SEC14L1: variants seen among roughly 807,000 people sequenced by gnomAD.
SEC14L1 encodes the protein SEC14 like lipid binding 1, also known as SEC14-like protein 1.
SEC14L1 carries 48 observed loss-of-function variants against 85.3 expected under a neutral mutation model. The ratio of observed to expected loss-of-function variants is 0.56; its 90% CI spans 0.45 to 0.72. The LOEUF is 0.72. Among genes scored for constraint, SEC14L1 ranks in the 30% least tolerant of loss-of-function variants. The pLI is 0.00. For synonymous variants in SEC14L1, 391 were observed against 355.5 expected, an observed-to-expected ratio of 1.10 and a Z score of -1.12; for missense variants, 682 against 921.4, an observed-to-expected ratio of 0.74 and a Z score of 3.36.
chr17:77,155,637 C>A (rs763201482), intron 3 of SEC14L1, among the ~76,000 whole-genome samples: 23 of 152,232 alleles, frequency 1.5e-4, no homozygotes, highest in Non-Finnish European at 3.1e-4. Flanking sequence ...TTCTGCTCGT[C>A]CTTGGGGCTG....
intron 3 of SEC14L1, among the ~76,000 whole-genome samples, chr17:77,163,391 T>TTTTTCTCGGCACCATCCCTCCCTCA (rs6146155): frequency 6.6e-6 from 1 of 152,030 alleles, no homozygotes; most frequent in Non-Finnish European, 1.5e-5. Context: ...CTAAGACTGG[T>TTTTTCTCGGCACCATCCCTCCCTCA]TCAGTCAGAG....
intron 3 of SEC14L1, among the ~76,000 whole-genome samples, chr17:77,132,610 C>T (rs2077422044): frequency 6.6e-6 from 1 of 152,178 alleles, no homozygotes. Context: ...AATGCCAGGG[C>T]GTATAAGGCC....
intron 3 of SEC14L1, among the ~76,000 whole-genome samples, chr17:77,125,394 A>G (rs909242979): frequency 1.3e-5 from 2 of 152,098 alleles, no homozygotes; most frequent in Non-Finnish European, 2.9e-5. Context: ...TCAGCATTCT[A>G]AAATTTTAGC....
At chr17:77,171,461 C>A (rs1424444804) in intron 3 of SEC14L1, among the ~76,000 whole-genome samples, 1 of 152,176 alleles carries the variant, frequency 6.6e-6, no homozygotes, top group East Asian at 1.9e-4. Context: ...ATTTGGTCAG[C>A]AAGATTATTC....
intron 3 of SEC14L1, among the ~76,000 whole-genome samples, chr17:77,124,284 C>T (rs1349042243): frequency 1.3e-5 from 2 of 152,148 alleles, no homozygotes; most frequent in Non-Finnish European, 2.9e-5. Context: ...GGATCATTTG[C>T]GCCCAGGAGG....
At chr17:77,155,491 T>G (rs2143596019) in intron 3 of SEC14L1, among the ~76,000 whole-genome samples, 1 of 152,252 alleles carries the variant, frequency 6.6e-6, no homozygotes, top group East Asian at 1.9e-4. Context: ...CCCTCAGTCT[T>G]GCTGGTGCCC....
In SEC14L1 at chr17:77,215,521, G is replaced by C. The variant is rs967697375; in HGVS notation, c.*1498G>C. 2.0e-5 allele frequency: 20 copies of C among 986,256 alleles called. No homozygotes were observed. In the African/African-American group the frequency reaches 3.1e-4, roughly 16 times the overall value. 61.1% of individuals were successfully genotyped at this position (986,256 alleles called of 1,614,324 possible). A position where few individuals can be genotyped will look rare whatever the true frequency, so the allele number is the denominator to read the frequency against. ...GCTGTGTGGAGGCCATGTGTGCCCC[G>C]TGCAGGGATCAGGAGGGCGGGGGAG... On this transcript the variant is annotated 3_prime_UTR_variant, in exon 17 of 17. Coordinates refer to ENST00000436233, the MANE Select transcript of SEC14L1 (RefSeq NM_001143998.2).
chr17:77,117,247 T>G (rs1370542420), intron 3 of SEC14L1, among the ~76,000 whole-genome samples: 3 of 151,992 alleles, frequency 2.0e-5, no homozygotes, highest in Non-Finnish European at 4.4e-5. Flanking sequence ...CTTGGGAGGC[T>G]GAGGAGGGAG....
At chr17:77,110,460 T>C (rs932032548) in intron 3 of SEC14L1, among the ~76,000 whole-genome samples, 1 of 152,140 alleles carries the variant, frequency 6.6e-6, no homozygotes, top group Non-Finnish European at 1.5e-5. Context: ...GAGCCAAATA[T>C]GAGTGACCAT....
At chr17:77,205,857 C>T (rs753527777) in intron 11 of SEC14L1, among the ~76,000 whole-genome samples, 1 of 152,132 alleles carries the variant, frequency 6.6e-6, no homozygotes, top group Non-Finnish European at 1.5e-5. Flanking sequence ...CACTGCAGTT[C>T]AGATGCAATA....
At chr17:77,137,337 C>T (rs1972828642), upstream of SEC14L1, among the ~76,000 whole-genome samples, 1 of 152,162 alleles carries the variant, frequency 6.6e-6, no homozygotes, top group Non-Finnish European at 1.5e-5. Context: ...AGCTTTTAGT[C>T]TTGGTGGAAG....
At chr17:77,205,583 C>T (rs1038791588) in intron 11 of SEC14L1, among the ~76,000 whole-genome samples, 1 of 152,126 alleles carries the variant, frequency 6.6e-6, no homozygotes, top group Non-Finnish European at 1.5e-5. Flanking sequence ...CTGTGCGGGC[C>T]GCAGGAGCCC....
At chr17:77,191,111 A>T in intron 4 of SEC14L1, 70 bp from the exon 5 acceptor site, 1 of 1,555,140 alleles carries the variant, frequency 6.4e-7, no homozygotes, top group Non-Finnish European at 8.8e-7. Context: ...GACAACATGA[A>T]CTTATACTAT....
intron 2 of SEC14L1, chr17:77,089,434 G>T (rs1971452110): frequency 1.9e-6 from 1 of 518,992 alleles, no homozygotes; most frequent in Non-Finnish European, 3.8e-6. Context: ...TGAATTTGCA[G>T]TAACAGGTGT....
At position 77,199,077 on chromosome 17, in the gene SEC14L1, C is replaced by T. The variant is rs184220410; in HGVS notation, c.820-1407C>T. The T allele has an allele frequency of 2.5e-3, 371 of 148,070 alleles. 1 individual carries two copies. Among genetic ancestry groups the T allele is most frequent in the Non-Finnish European group, 4.3e-3 (291 of 67,620 alleles). 9.2% of individuals were successfully genotyped at this position (148,070 alleles called of 1,614,324 possible). ...CTGAAGTGCAGTGGCGCGATCTTGG[C>T]TCACTGCACCCTCTGCCTCCAGGTT... On this transcript the variant is annotated intron_variant, in intron 8 of 16. Transcript: ENST00000436233.
At chr17:77,168,978 G>A (rs1974408096) in intron 3 of SEC14L1, among the ~76,000 whole-genome samples, 1 of 140,826 alleles carries the variant, frequency 7.1e-6, no homozygotes, top group African/African-American at 2.6e-5. Context: ...CTACATAAAT[G>A]TGAGGGTCAA....
chr17:77,185,383 G>A (rs1468413901), intron 3 of SEC14L1: 1 of 985,330 alleles, frequency 1.0e-6, no homozygotes, highest in African/African-American at 1.7e-5. Flanking sequence ...GGCATGCCAA[G>A]GTAAAGTGAA....
intron 2 of SEC14L1, among the ~76,000 whole-genome samples, chr17:77,090,867 G>A (rs9913954): frequency 0.13 from 20,250 of 151,468 alleles, 1,786 homozygotes; most frequent in Non-Finnish European, 0.19. Context: ...CCATGCCAGT[G>A]ATCCCAGCTA....
intron 3 of SEC14L1, among the ~76,000 whole-genome samples, chr17:77,119,830 TATGAGAAGA>T (rs889373180): frequency 6.6e-6 from 1 of 152,100 alleles, no homozygotes; most frequent in African/African-American, 2.4e-5. Flanking sequence ...AAGCTGTCAC[TATGAGAAGA>T]ATTAGAACCT....
Sources: allele counts gnomAD v4.1 joint callset (sites outside exome capture counted in the v4.1 genomes callset), GRCh38; gene constraint gnomAD v4.1.1; transcripts MANE v1.5; gene names NCBI Gene and HGNC (gene_info 2026-07-23, HGNC 2026-07-21).